Variants in CEP57L1 observed in about 807,000 individuals in gnomAD.
CEP57L1 encodes centrosomal protein 57 like 1.
CEP57L1 carries 37 observed loss-of-function variants against 61.0 expected under a neutral mutation model. That is an observed-to-expected ratio of 0.61 (90% CI 0.47 to 0.80). The LOEUF (loss-of-function observed/expected upper bound fraction) is 0.80. CEP57L1 is among the 30% of genes least tolerant of loss of function. The probability of loss-of-function intolerance (pLI) is 0.00; values close to 1 mark genes in which losing one functional copy is unlikely to be tolerated. For synonymous variants in CEP57L1, 137 were observed against 162.3 expected (o/e 0.84, Z 1.19); for missense variants, 422 against 524.7 (o/e 0.80, Z 1.91).
chr6:109,165,353 C>T lies in CEP57L1; in HGVS notation c.*2383C>T, dbSNP rs192735684. ...GAGTTAATGAAATAACATGGGAAAG[C>T]ACCCAGCAGAAGAGTTGACACTTAT... On this transcript the variant is annotated 3_prime_UTR_variant, in exon 11 of 11. Coordinates refer to ENST00000517392, the MANE Select transcript of CEP57L1 (RefSeq NM_001271852.3). Among the ~76,000 whole-genome samples the T allele has an allele frequency of 2.5e-3, 374 of 151,044 alleles. 1 individual carries two copies. The highest frequency in any genetic ancestry group is 8.7e-3 in the African/African-American group (358 of 41,100).
intron 1 of CEP57L1, among the ~76,000 whole-genome samples, chr6:109,105,308 G>T (rs1770796477): frequency 1.3e-5 from 2 of 152,132 alleles, no homozygotes; most frequent in South Asian, 2.1e-4. Context: ...AAGGTTTGTT[G>T]TTCACGTATA....
chr6:109,124,457 A>G (rs976318683), intron 1 of CEP57L1, among the ~76,000 whole-genome samples: 6 of 152,220 alleles, frequency 3.9e-5, no homozygotes, highest in Non-Finnish European at 8.8e-5. Flanking sequence ...TGTGAACTTT[A>G]GAGCCAGACT....
chr6:109,103,520 T>C (rs1770571170), intron 1 of CEP57L1, among the ~76,000 whole-genome samples: 1 of 152,220 alleles, frequency 6.6e-6, no homozygotes, highest in Non-Finnish European at 1.5e-5. Flanking sequence ...CATACTATTC[T>C]CAGAATACCA....
In CEP57L1 at chr6:109,146,805, G is replaced by A; in HGVS notation, c.208G>A (p.Glu70Lys). 3 of 1,607,460 alleles carry A rather than the reference G, an allele frequency of 1.9e-6. No individual in the cohort carries two copies. Among genetic ancestry groups the A allele is most frequent in the Non-Finnish European group, 2.5e-6 (3 of 1,177,224 alleles). ...TCTTCAGGAAAAAATTCATCGTTTA[G>A]AGCTGGAGAGAACACAAGCTGAAGA... The part of the protein sequence containing the change: ...KTLQEKIHRL[E>K]LERTQAEDNL... The change falls in exon 3 of 11, where the codon GAG becomes AAG. Residue 70 changes from glutamate to lysine, a missense_variant. Transcript: ENST00000517392.
chr6:109,150,070 G>C (rs1772429272), intron 3 of CEP57L1, 48 bp from the exon 4 acceptor site: 1 of 1,182,124 alleles, frequency 8.5e-7, no homozygotes, highest in African/African-American at 1.5e-5. Flanking sequence ...TGCAAACAGG[G>C]ACAATTTGAC....
intron 1 of CEP57L1, among the ~76,000 whole-genome samples, chr6:109,128,547 A>G (rs1773831254): frequency 6.6e-6 from 1 of 152,292 alleles, no homozygotes; most frequent in South Asian, 2.1e-4. Flanking sequence ...GTCTGAATGA[A>G]CTTGTCAAAA....
intron 4 of CEP57L1, among the ~76,000 whole-genome samples, chr6:109,152,678 T>C (rs1032383114): frequency 3.6e-4 from 54 of 148,980 alleles, no homozygotes; most frequent in Admixed American, 3.2e-3. Flanking sequence ...TGTGTGTGTG[T>C]GTATAACTTT....
At chr6:109,112,648 A>T (rs1467614238) in intron 1 of CEP57L1, among the ~76,000 whole-genome samples, 4 of 152,120 alleles carry the variant, frequency 2.6e-5, no homozygotes, top group African/African-American at 9.7e-5. Context: ...GTGGGCATTT[A>T]GTGCTATACA....
chr6:109,130,013 GTTAGTTATC>G (rs1309573024), intron 1 of CEP57L1, among the ~76,000 whole-genome samples: 2 of 152,048 alleles, frequency 1.3e-5, no homozygotes, highest in Non-Finnish European at 2.9e-5. Flanking sequence ...ATATTCTGAA[GTTAGTTATC>G]ACCCCATCAA....
chr6:109,138,461 T>A (rs1182848169), intron 1 of CEP57L1, among the ~76,000 whole-genome samples: 1 of 152,192 alleles, frequency 6.6e-6, no homozygotes, highest in Non-Finnish European at 1.5e-5. Flanking sequence ...TTATAAATAA[T>A]GCTAAAGTGA....
chr6:109,097,636 TTGCATTCTAC>T (rs1179646509), intron 1 of CEP57L1, among the ~76,000 whole-genome samples: 3 of 152,214 alleles, frequency 2.0e-5, no homozygotes, highest in Admixed American at 1.3e-4. Context: ...GTCATAGAGC[TTGCATTCTAC>T]TGAGGAGAGA....
At position 109,133,274 on chromosome 6, in the gene CEP57L1, A is replaced by G. The variant is rs370245337; in HGVS notation, c.-3-11945A>G. ...GATGGTTTGGGGATGAAACAGTTTC[A>G]CCCTAGATCATTCCAGATCATGAGA... On this transcript the variant is annotated intron_variant, in intron 1 of 10. Transcript: ENST00000517392. Among the ~76,000 whole-genome samples the G allele has an allele frequency of 1.7e-4, 26 of 152,254 alleles. No individual in the cohort carries two copies. In the East Asian group the frequency reaches 5.0e-3, roughly 29 times the overall value.
At chr6:109,155,976 A>C in intron 7 of CEP57L1, 99 bp downstream of exon 7, 1 of 563,442 alleles carries the variant, frequency 1.8e-6, no homozygotes, top group South Asian at 2.6e-5. Context: ...AAGGATTTGA[A>C]GATATAAAAT....
chr6:109,168,033 G>A lies in CEP57L1; in HGVS notation c.*5063G>A, dbSNP rs1488408278. Among the ~76,000 whole-genome samples the A allele has an allele frequency of 1.3e-5, 2 of 152,238 alleles. No individual in the cohort carries two copies. Among genetic ancestry groups the A allele is most frequent in the Admixed American group, 1.3e-4 (2 of 15,290 alleles). Reference sequence around the variant, plus strand: ...AAGGCATAATGACAACCACAGAGCAGATGCTCAAATATTTATTTGCCTACT... The same window carrying A: ...AAGGCATAATGACAACCACAGAGCAAATGCTCAAATATTTATTTGCCTACT... On this transcript the variant is annotated 3_prime_UTR_variant, in exon 11 of 11. Transcript: ENST00000517392.
intron 1 of CEP57L1, among the ~76,000 whole-genome samples, chr6:109,097,958 A>G (rs990298001): frequency 6.6e-6 from 1 of 152,260 alleles, no homozygotes; most frequent in Non-Finnish European, 1.5e-5. Context: ...TGGCTGGAGC[A>G]CAATGAGTAC....
intron 1 of CEP57L1, among the ~76,000 whole-genome samples, chr6:109,133,432 C>T (rs530439410): frequency 1.3e-5 from 2 of 152,240 alleles, no homozygotes; most frequent in South Asian, 2.1e-4. Context: ...AGGTAATGCT[C>T]GCTGACCTTC....
At chr6:109,104,313 T>A (rs1310919235) in intron 1 of CEP57L1, among the ~76,000 whole-genome samples, 3 of 151,524 alleles carry the variant, frequency 2.0e-5, no homozygotes, top group East Asian at 1.9e-4. Context: ...TATATTTATT[T>A]AAAAAAAAAA....
Position 109,145,305 on chromosome 6 carries a change from T to A in CEP57L1, c.84T>A (p.Asn28Lys), listed in dbSNP as rs1049388270. 4.3e-6 allele frequency: 7 copies of A among 1,611,148 alleles called. No individual in the cohort carries two copies. Among genetic ancestry groups the A allele is most frequent in the Admixed American group, 3.3e-5 (2 of 59,934 alleles). ...ERVFVPSFTQ[N>K]EPSQNCHPAN... ...TATTTGTTCCCTCATTCACCCAGAA[T>A]GAACCATCTCAGAATTGCCATCCTG... Residue 28 changes from asparagine (N) to lysine (K), a missense_variant, in exon 2 of 11, where the codon AAT becomes AAA. By Grantham distance (94) the Asn-to-Lys change is moderately conservative. Coordinates refer to ENST00000517392, the MANE Select transcript of CEP57L1 (RefSeq NM_001271852.3).
intron 1 of CEP57L1, among the ~76,000 whole-genome samples, chr6:109,123,996 A>G (rs529647053): frequency 3.3e-5 from 5 of 152,130 alleles, no homozygotes; most frequent in African/African-American, 1.2e-4. Flanking sequence ...GCTTGAACCC[A>G]GAAGGTGGAG....
Sources: gnomAD v4.1 joint callset for allele counts (sites outside exome capture counted in the v4.1 genomes callset) on GRCh38, gnomAD v4.1.1 for gene constraint, MANE v1.5 for transcripts, NCBI Gene and HGNC (gene_info 2026-07-23, HGNC 2026-07-21) for gene names.